Variants in CEP295 observed in about 807,000 individuals in gnomAD.
The protein encoded by CEP295 is centrosomal protein 295, also known as centrosomal protein of 295 kDa.
Under a neutral mutation model 291.6 loss-of-function variants are expected in CEP295, and 190 were observed. The observed-to-expected ratio is 0.65, with a 90% CI of 0.58 to 0.73. The LOEUF (loss-of-function observed/expected upper bound fraction) is 0.73. CEP295 is among the 30% of genes least tolerant of loss of function. The pLI is 0.00. For synonymous variants in CEP295, 993 were observed against 1,038.8 expected, an observed-to-expected ratio of 0.96 and a Z score of 0.85; for missense variants, 2,863 against 2,949.4, an observed-to-expected ratio of 0.97 and a Z score of 0.68.
rs1343193431 is a variant in CEP295, at chr11:93,699,438, A to G, written c.4526A>G (p.Gln1509Arg). ...CACCATGGTGATTTGCAGGCACTTC[A>G]ACAGCAGTTAGATACACAGAAGAAA... ...QSHHGDLQAL[Q>R]QQLDTQKKAI... Residue 1509 changes from glutamine to arginine, a missense_variant, in exon 15 of 30, where the codon CAA becomes CGA. Transcript: ENST00000325212. 4 of 1,551,750 alleles carry G rather than the reference A, an allele frequency of 2.6e-6. 1 individual carries two copies. The South Asian group carries it at 4.8e-5, about 18-fold the overall frequency.
At position 93,684,012 on chromosome 11, in the gene CEP295, CTG is replaced by C; in HGVS notation, c.1001_1002del (p.Val334AspfsTer2). Reference sequence around the variant, plus strand: ...CACCTTGAACCAGAGCCCTTGCCCACTGTGACTAATCAGATCCAAGATGAAGA... The same window carrying C: ...CACCTTGAACCAGAGCCCTTGCCCACTGACTAATCAGATCCAAGATGAAGA... On this transcript the variant is annotated frameshift_variant, in exon 9 of 30. Coordinates refer to ENST00000325212, the MANE Select transcript of CEP295 (RefSeq NM_033395.2). LOFTEE classifies it high-confidence loss of function. 1 of 1,551,826 alleles carries C rather than the reference CTG, an allele frequency of 6.4e-7. No individual in the cohort carries two copies. Among genetic ancestry groups the C allele is most frequent in the Non-Finnish European group, 8.7e-7 (1 of 1,147,014 alleles).
At chr11:93,726,179 G>A (rs575395369) in intron 23 of CEP295, among the ~76,000 whole-genome samples, 65 of 152,214 alleles carry the variant, frequency 4.3e-4, no homozygotes, top group African/African-American at 1.4e-3. Context: ...TGCCCAGGCT[G>A]GAGTGCAGTG....
At chr11:93,690,284 C>A (rs770094618) in intron 10 of CEP295, among the ~76,000 whole-genome samples, 1 of 151,956 alleles carries the variant, frequency 6.6e-6, no homozygotes, top group South Asian at 2.1e-4. Flanking sequence ...GGGCTGGGTG[C>A]GGTGGCTCAT....
chr11:93,719,522 C>T (rs1953539870), intron 18 of CEP295: 1 of 152,126 alleles, frequency 6.6e-6, no homozygotes, highest in Admixed American at 6.5e-5. Context: ...CCCACCTCAA[C>T]TTCCTGAGTT....
Position 93,721,950 on chromosome 11 carries a change from C to G in CEP295, c.5851-4C>G, listed in dbSNP as rs1378441444. ...TGTGGTATGATATTCCCCTTAATTT[C>G]TAGGCTAAAACACTGTCTTATGAAC... is the stretch of plus-strand genomic sequence containing the variant. On this transcript the variant is annotated splice_region_variant and splice_polypyrimidine_tract_variant and intron_variant, in intron 19 of 29. Coordinates refer to ENST00000325212, the MANE Select transcript of CEP295 (RefSeq NM_033395.2). 1 of 1,604,738 alleles carries G rather than the reference C, an allele frequency of 6.2e-7. No homozygotes were observed.
rs199658935 is a variant in CEP295 at position 93,723,244 on chromosome 11, T to C, written c.6151T>C (p.Tyr2051His). ...HTHFQQMIDK[Y>H]INEANLIPEK... ...ACACTTTCAGCAAATGATAGACAAGTACATTAATGAAGCAAATTTGATACC... is the reference window on the plus strand; with the variant it reads ...ACACTTTCAGCAAATGATAGACAAGCACATTAATGAAGCAAATTTGATACC... The change falls in exon 21 of 30, where the codon TAC becomes CAC. Residue 2051 changes from tyrosine (Y) to histidine (H), a missense_variant. Physicochemically the swap from Tyr to His is moderately conservative, Grantham distance 83. Coordinates refer to ENST00000325212, the MANE Select transcript of CEP295 (RefSeq NM_033395.2). 5.9e-4 allele frequency: 907 copies of C among 1,542,490 alleles called. No individual in the cohort carries two copies. Among genetic ancestry groups the C allele is most frequent in the Non-Finnish European group, 7.1e-4 (817 of 1,142,992 alleles).
Position 93,728,821 on chromosome 11 carries a change from G to C in CEP295, c.7302G>C (p.Gln2434His). 6.5e-7 allele frequency: 1 copy of C among 1,535,234 alleles called. No homozygotes were observed. The highest frequency in any genetic ancestry group is 8.7e-7 in the Non-Finnish European group (1 of 1,142,918). Residue 2434 changes from glutamine to histidine, a missense_variant and splice_region_variant, in exon 25 of 30, where the codon CAG becomes CAC. Gln to His is a conservative substitution (Grantham distance 24). Transcript: ENST00000325212. ...AGAATGAAGCAAAATGCTTCTTTCAGGTAAATTTAAGCTTTCCTTCTATTT... is the reference window on the plus strand; with the variant it reads ...AGAATGAAGCAAAATGCTTCTTTCACGTAAATTTAAGCTTTCCTTCTATTT... ...KSENEAKCFF[Q>H]VSEFLPLVSA...
At chr11:93,716,954 T>A (rs2135272597) in intron 18 of CEP295, among the ~76,000 whole-genome samples, 1 of 152,336 alleles carries the variant, frequency 6.6e-6, no homozygotes, top group Non-Finnish European at 1.5e-5. Flanking sequence ...AGAACAGGAA[T>A]CTATAAAATC....
In CEP295 at chr11:93,729,902, A is replaced by G. The variant is rs544194912; in HGVS notation, c.7600A>G (p.Lys2534Glu). ...SSVSRLKGVN[K>E]VRASFPEDRK... ...TGTGAGTCGTCTAAAGGGCGTGAAT[A>G]AAGTCAGAGCATCTTTTCCTGAAGA... Residue 2534 changes from lysine to glutamate, a missense_variant, in exon 28 of 30, where the codon AAA becomes GAA. By Grantham distance (56) the Lys-to-Glu change is moderately conservative (BLOSUM62 1). Around this residue, in one of 3 missense-constraint regions of CEP295, gnomAD observed 2,295 missense variants for 2,335.7 expected, o/e 0.98. Transcript: ENST00000325212. The G allele has an allele frequency of 7.1e-6, 11 of 1,550,240 alleles. No homozygotes were observed. Among genetic ancestry groups the G allele is most frequent in the Non-Finnish European group, 8.7e-6 (10 of 1,146,702 alleles).
intron 20 of CEP295, chr11:93,722,749 C>T (rs531559365): frequency 1.1e-4 from 28 of 266,102 alleles, no homozygotes; most frequent in Middle Eastern, 2.5e-3. Context: ...AATATAGTGT[C>T]GCTGTCAATT....
rs1292737902 is a variant in CEP295, at chr11:93,687,642, A to T, written c.1115-2A>T. 6 of 1,463,254 alleles carry T rather than the reference A, an allele frequency of 4.1e-6. No individual in the cohort carries two copies. In the Admixed American group the frequency reaches 6.7e-5, roughly 16 times the overall value. 90.6% of individuals were successfully genotyped at this position (1,463,254 alleles called of 1,614,324 possible). A position where few individuals can be genotyped will look rare whatever the true frequency, so the allele number is the denominator to read the frequency against. Reference sequence around the variant, plus strand: ...AGTTTTTTCCCTTTTTCTTTCTTTTAGTTCCCTTGGTAATGAAGACCCAAC... The same window carrying T: ...AGTTTTTTCCCTTTTTCTTTCTTTTTGTTCCCTTGGTAATGAAGACCCAAC... On this transcript the variant is annotated splice_acceptor_variant, in intron 9 of 29. Coordinates refer to ENST00000325212, the MANE Select transcript of CEP295 (RefSeq NM_033395.2). LOFTEE classifies it high-confidence loss of function.
chr11:93,665,539 C>T (rs1287701644), intron 1 of CEP295, among the ~76,000 whole-genome samples: 1 of 152,162 alleles, frequency 6.6e-6, no homozygotes. Flanking sequence ...GAACCCCTGT[C>T]TCTACTAAAA....
intron 7 of CEP295, 55 bp from the exon 8 acceptor site, chr11:93,683,504 T>C (rs1034662574): frequency 1.6e-5 from 21 of 1,289,842 alleles, no homozygotes; most frequent in Non-Finnish European, 2.2e-5. Context: ...ACATTGTTAA[T>C]ATTACCATAC....
chr11:93,722,092 C>A, intron 20 of CEP295, 42 bp downstream of exon 20: 2 of 1,202,868 alleles, frequency 1.7e-6, no homozygotes, highest in Non-Finnish European at 2.4e-6. Flanking sequence ...GAAAGACCGG[C>A]ACCAGTTGAG....
chr11:93,722,977 GTATTACAGGCGTGAGCCA>G, intron 20 of CEP295, 46 bp from the exon 21 acceptor site: 1 of 1,387,092 alleles, frequency 7.2e-7, no homozygotes. Context: ...CAAAGTGCTG[GTATTACAGGCGTGAGCCA>G]TCACGCCTGG....
chr11:93,676,501 T>TA (rs1252070732), intron 6 of CEP295, among the ~76,000 whole-genome samples: 3 of 152,026 alleles, frequency 2.0e-5, no homozygotes, highest in African/African-American at 4.8e-5. Flanking sequence ...ATGCAACAAA[T>TA]ACACATTTTG....
At chr11:93,685,363 C>A (rs1485542047) in intron 9 of CEP295, among the ~76,000 whole-genome samples, 1 of 152,154 alleles carries the variant, frequency 6.6e-6, no homozygotes, top group Non-Finnish European at 1.5e-5. Flanking sequence ...TTGTTTAAAA[C>A]CACCCAGGCT....
At chr11:93,718,809 T>C (rs1953462265) in intron 18 of CEP295, among the ~76,000 whole-genome samples, 1 of 152,044 alleles carries the variant, frequency 6.6e-6, no homozygotes, top group South Asian at 2.1e-4. Context: ...AAAAATATAT[T>C]GTATTTAAAG....
intron 23 of CEP295, among the ~76,000 whole-genome samples, chr11:93,726,361 C>A (rs2155245): frequency 6.6e-6 from 1 of 152,174 alleles, no homozygotes; most frequent in Non-Finnish European, 1.5e-5. Flanking sequence ...CTAGAACTCC[C>A]GACCTCAGAT....
Sources: gnomAD v4.1 joint callset for allele counts (sites outside exome capture counted in the v4.1 genomes callset) on GRCh38, gnomAD v4.1.1 for gene constraint, gnomAD v4.1.1 regional missense constraint, MANE v1.5 for transcripts, NCBI Gene and HGNC (gene_info 2026-07-23, HGNC 2026-07-21) for gene names.